Variants in CNGB3 observed in about 807,000 individuals in gnomAD.
The protein encoded by CNGB3 is cyclic nucleotide-gated channel beta-3.
Under a neutral mutation model 92.8 loss-of-function variants are expected in CNGB3, and 86 were observed. The ratio of observed to expected loss-of-function variants is 0.93; its 90% CI spans 0.78 to 1.11. The LOEUF is 1.11. Among genes scored for constraint, CNGB3 ranks in the 50% least tolerant of loss-of-function variants. The pLI is 0.00. For synonymous variants in CNGB3, 333 were observed against 332.7 expected, an observed-to-expected ratio of 1.00 and a Z score of -0.01; for missense variants, 1,026 against 956.8, an observed-to-expected ratio of 1.07 and a Z score of -0.95.
At chr8:86,726,420 G>T in intron 3 of CNGB3, 111 bp downstream of exon 3, 2 of 1,450,330 alleles carry the variant, frequency 1.4e-6, no homozygotes, top group Non-Finnish European at 1.9e-6. Context: ...TGTGACTATT[G>T]AATTTTTTCT....
intron 3 of CNGB3, among the ~76,000 whole-genome samples, chr8:86,690,077 C>T (rs1002353161): frequency 6.6e-6 from 1 of 152,168 alleles, no homozygotes; most frequent in East Asian, 1.9e-4. Context: ...GGCATATACC[C>T]AGTAATGGGA....
Position 86,629,003 on chromosome 8 carries a change from T to A in CNGB3, c.1396A>T (p.Met466Leu). ...RACMDDTIAY[M>L]NNYSIPKLVQ... ...AGTTTAGGAATGGAGTAATTGTTCA[T>A]GTAGGCAATGGTGTCATCCATGCAG... Residue 466 changes from methionine (M) to leucine (L), a missense_variant, in exon 12 of 18, where the codon ATG (methionine) becomes TTG (leucine). Met to Leu is a conservative substitution (Grantham distance 15). Transcript: ENST00000320005. 6.2e-7 allele frequency: 1 copy of A among 1,614,074 alleles called. No individual in the cohort carries two copies.
At position 86,732,677 on chromosome 8, in the gene CNGB3, T is replaced by A. The variant is rs187378102; in HGVS notation, c.212-6020A>T. Reference sequence around the variant, plus strand: ...CTTGCCAAACCAGCACAATTAGGAATTTTCTTCATCATCTCAAACTAGAAA... The same window carrying A: ...CTTGCCAAACCAGCACAATTAGGAAATTTCTTCATCATCTCAAACTAGAAA... On this transcript the variant is annotated intron_variant, in intron 2 of 17. Coordinates refer to ENST00000320005, the MANE Select transcript of CNGB3 (RefSeq NM_019098.5). Among the ~76,000 whole-genome samples, 447 of 152,310 alleles carry A rather than the reference T, an allele frequency of 2.9e-3. 2 individuals carry two copies. Among genetic ancestry groups the A allele is most frequent in the African/African-American group, 9.5e-3 (393 of 41,572 alleles).
intron 6 of CNGB3, among the ~76,000 whole-genome samples, chr8:86,655,420 A>C (rs1426781295): frequency 6.6e-6 from 1 of 151,972 alleles, no homozygotes; most frequent in African/African-American, 2.4e-5. Context: ...AACAGAACCC[A>C]CTCTGTTCAG....
At chr8:86,638,857 G>A (rs779774284) in intron 10 of CNGB3, among the ~76,000 whole-genome samples, 9 of 150,114 alleles carry the variant, frequency 6.0e-5, no homozygotes, top group Admixed American at 1.3e-4. Context: ...TTGTTTGTTT[G>A]TTTGTTTTTG....
chr8:86,719,417 A>G (rs574156256), intron 3 of CNGB3, among the ~76,000 whole-genome samples: 2 of 152,292 alleles, frequency 1.3e-5, no homozygotes, highest in East Asian at 3.9e-4. Context: ...GATCCCCTTT[A>G]CAGTAGCTGC....
At chr8:86,591,403 G>C (rs1428928207) in intron 15 of CNGB3, among the ~76,000 whole-genome samples, 1 of 151,976 alleles carries the variant, frequency 6.6e-6, no homozygotes, top group Non-Finnish European at 1.5e-5. Flanking sequence ...TCCTTTGGAG[G>C]AGGAGAGGCA....
At chr8:86,609,581 C>T (rs769572987) in intron 14 of CNGB3, among the ~76,000 whole-genome samples, 2 of 152,184 alleles carry the variant, frequency 1.3e-5, no homozygotes, top group Non-Finnish European at 2.9e-5. Context: ...TCTGACCTTT[C>T]CTTGAGCTTT....
chr8:86,620,222 T>C (rs542554047), intron 13 of CNGB3, among the ~76,000 whole-genome samples: 8 of 152,314 alleles, frequency 5.3e-5, no homozygotes, highest in African/African-American at 1.7e-4. Context: ...GTAACAAAGC[T>C]TTCATTGGAA....
chr8:86,628,557 G>C (rs533411968), intron 12 of CNGB3, among the ~76,000 whole-genome samples: 31 of 152,278 alleles, frequency 2.0e-4, no homozygotes, highest in African/African-American at 7.5e-4. Flanking sequence ...TGCTGGCTCT[G>C]TGTCTTCGCC....
intron 15 of CNGB3, among the ~76,000 whole-genome samples, chr8:86,599,575 G>T (rs963479443): frequency 1.3e-5 from 2 of 152,288 alleles, no homozygotes; most frequent in African/African-American, 4.8e-5. Flanking sequence ...ACATCCCTGA[G>T]AAAGAGAATG....
In CNGB3 at chr8:86,736,320, C is replaced by T. The variant is rs1825250950; in HGVS notation, c.211+3335G>A. Among the ~76,000 whole-genome samples the T allele has an allele frequency of 2.6e-5, 4 of 152,250 alleles. No individual in the cohort carries two copies. In the South Asian group the frequency reaches 8.3e-4, roughly 32 times the overall value. ...TTATTCCTATTAAAGTCTTTGGAGA[C>T]ATGCCAAGTCTGCAGATTTAAATGA... On this transcript the variant is annotated intron_variant, in intron 2 of 17. Coordinates refer to ENST00000320005, the MANE Select transcript of CNGB3 (RefSeq NM_019098.5).
At chr8:86,642,969 A>G (rs918300721) in intron 10 of CNGB3, among the ~76,000 whole-genome samples, 1 of 151,562 alleles carries the variant, frequency 6.6e-6, no homozygotes, top group Non-Finnish European at 1.5e-5. Context: ...AATAATTAAC[A>G]TTGTTCATTA....
At position 86,648,520 on chromosome 8, in the gene CNGB3, T is replaced by C. The variant is rs189766905; in HGVS notation, c.904-633A>G. On this transcript the variant is annotated intron_variant, in intron 7 of 17. Coordinates refer to ENST00000320005, the MANE Select transcript of CNGB3 (RefSeq NM_019098.5). ...TGATGGGAGAAGGTATTGAAAATAT[T>C]ATTATAGCTAAGAAATTTTCAAAAA... 2.6e-4 allele frequency among the ~76,000 whole-genome samples: 39 copies of C among 151,358 alleles called. No homozygotes were observed. The East Asian group carries it at 6.9e-3, about 27-fold the overall frequency.
At chr8:86,611,693 T>A in intron 13 of CNGB3, 22 bp from the exon 14 acceptor site, 1 of 1,544,178 alleles carries the variant, frequency 6.5e-7, no homozygotes, top group East Asian at 2.3e-5. Context: ...GAAAAATAAT[T>A]CTTATAGAAA....
chr8:86,628,837 C>T (rs1822901688), intron 12 of CNGB3, 82 bp downstream of exon 12: 3 of 1,430,432 alleles, frequency 2.1e-6, no homozygotes, highest in African/African-American at 1.4e-5. Flanking sequence ...TTGTTCAAAT[C>T]CAACTAGTCT....
intron 15 of CNGB3, chr8:86,594,159 A>G (rs1822118416): frequency 3.6e-6 from 1 of 281,664 alleles, no homozygotes; most frequent in Non-Finnish European, 7.1e-6. Context: ...CCAACGGGGA[A>G]TGTGTCTCCA....
chr8:86,713,757 TTTAC>T, intron 3 of CNGB3, among the ~76,000 whole-genome samples: 1 of 152,288 alleles, frequency 6.6e-6, no homozygotes, highest in South Asian at 2.1e-4. Flanking sequence ...AACATGCATG[TTTAC>T]TTAAGAAATT....
intron 3 of CNGB3, among the ~76,000 whole-genome samples, chr8:86,694,157 G>A (rs1413681516): frequency 2.2e-5 from 3 of 135,856 alleles, no homozygotes; most frequent in Admixed American, 7.1e-5. Context: ...TGGACGGGGC[G>A]GCTGGCCGGG....
Sources: gnomAD v4.1 joint callset for allele counts (sites outside exome capture counted in the v4.1 genomes callset) on GRCh38, gnomAD v4.1.1 for gene constraint, MANE v1.5 for transcripts, NCBI Gene and HGNC (gene_info 2026-07-23, HGNC 2026-07-21) for gene names.